TTC27: variants seen among roughly 807,000 people sequenced by gnomAD.
The protein encoded by TTC27 is tetratricopeptide repeat protein 27.
Under a neutral mutation model 115.9 loss-of-function variants are expected in TTC27, and 79 were observed. The observed-to-expected ratio is 0.68, with a 90% CI of 0.57 to 0.82. The LOEUF is 0.82. Among genes scored for constraint, TTC27 ranks in the 40% least tolerant of loss-of-function variants. The pLI is 0.00. For synonymous variants in TTC27, 401 were observed against 356.0 expected (o/e 1.13, Z -1.42); for missense variants, 1,054 against 993.1 (o/e 1.06, Z -0.82).
intron 13 of TTC27, among the ~76,000 whole-genome samples, chr2:32,772,067 A>G (rs914861561): frequency 4.6e-5 from 7 of 152,220 alleles, no homozygotes; most frequent in African/African-American, 1.2e-4. Flanking sequence ...AGTGGTACCC[A>G]TTGCAGATGT....
At chr2:32,736,849 G>T (rs1365287841) in intron 12 of TTC27, 33 bp downstream of exon 12, 2 of 1,608,144 alleles carry the variant, frequency 1.2e-6, no homozygotes, top group Non-Finnish European at 1.7e-6. Context: ...GTACTGGTGA[G>T]AGCCTTCCCT....
At position 32,760,588 on chromosome 2, in the gene TTC27, G is replaced by A. The variant is rs531497319; in HGVS notation, c.1680+2069G>A. ...TTATCACTCTATTTTTTTTGGCGGC[G>A]GGGAGGGGTTGGTTTTTGGTTTTTG... On this transcript the variant is annotated intron_variant, in intron 13 of 19. Coordinates refer to ENST00000317907, the MANE Select transcript of TTC27 (RefSeq NM_017735.5). 3.3e-5 allele frequency among the ~76,000 whole-genome samples: 5 copies of A among 152,004 alleles called. No individual in the cohort carries two copies. The East Asian group carries it at 5.8e-4, about 18-fold the overall frequency.
intron 4 of TTC27, among the ~76,000 whole-genome samples, chr2:32,642,693 GC>G (rs1405340680): frequency 6.6e-6 from 1 of 151,450 alleles, no homozygotes; most frequent in Non-Finnish European, 1.5e-5. Flanking sequence ...TTTAAGACAG[GC>G]TCTGGCCCCG....
At chr2:32,639,478 T>C (rs891911578) in intron 3 of TTC27, among the ~76,000 whole-genome samples, 2 of 152,180 alleles carry the variant, frequency 1.3e-5, no homozygotes, top group African/African-American at 2.4e-5. Flanking sequence ...CCTTGTTGAT[T>C]GTTTGGCTTG....
chr2:32,681,737 C>T (rs72787551), intron 9 of TTC27, among the ~76,000 whole-genome samples: 6,699 of 149,744 alleles, frequency 0.045, 207 homozygotes, highest in Non-Finnish European at 0.068. Flanking sequence ...CTAAGTTAAG[C>T]TATGATGTTT....
At chr2:32,817,371 A>G (rs1022745303) in intron 18 of TTC27, 86 bp from the exon 19 acceptor site, 2 of 1,098,856 alleles carry the variant, frequency 1.8e-6, no homozygotes, top group Non-Finnish European at 1.3e-6. Flanking sequence ...TTACTATAAA[A>G]ATTCTAATTA....
chr2:32,698,965 A>G (rs1667092837), intron 9 of TTC27, among the ~76,000 whole-genome samples: 1 of 152,136 alleles, frequency 6.6e-6, no homozygotes, highest in African/African-American at 2.4e-5. Context: ...CTATCTAGAG[A>G]ATGCCCCAAA....
At chr2:32,754,147 CTTTTT>C (rs200270813) in intron 12 of TTC27, among the ~76,000 whole-genome samples, 1 of 143,152 alleles carries the variant, frequency 7.0e-6, no homozygotes, top group African/African-American at 2.6e-5. Flanking sequence ...ATTCTACATT[CTTTTT>C]TTTTTTTTTT....
In TTC27 at chr2:32,723,971, C is replaced by CTTTTTTTTTTTTTTTTTTTTTTTTTT. The variant is rs36120062; in HGVS notation, c.1234-9840_1234-9839insTTTTTTTTTTTTTTTTTTTTTTTTTT. ...TGAGCCACCAGCTGGCATACATAAG[C>CTTTTTTTTTTTTTTTTTTTTTTTTTT]TTTTTTTTTTTTTTTTTATAGAAAG... On this transcript the variant is annotated intron_variant, in intron 10 of 19. Transcript: ENST00000317907. Among the ~76,000 whole-genome samples the CTTTTTTTTTTTTTTTTTTTTTTTTTT allele has an allele frequency of 7.1e-4, 66 of 92,388 alleles. 8 individuals are homozygous for CTTTTTTTTTTTTTTTTTTTTTTTTTT. The highest frequency in any genetic ancestry group is 7.0e-3 in the Middle Eastern group (1 of 142). The allele number at this position is 92,388 out of a possible 152,430, so 60.6% of individuals were successfully genotyped here.
intron 10 of TTC27, among the ~76,000 whole-genome samples, chr2:32,718,634 C>T (rs1667826126): frequency 6.6e-6 from 1 of 152,124 alleles, no homozygotes; most frequent in Admixed American, 6.5e-5. Context: ...CTGATGATTG[C>T]CAAAGCTGAT....
At chr2:32,677,331 T>C (rs778407616) in intron 8 of TTC27, among the ~76,000 whole-genome samples, 1 of 152,162 alleles carries the variant, frequency 6.6e-6, no homozygotes, top group Non-Finnish European at 1.5e-5. Context: ...AATATTGCTA[T>C]GGATATTTAT....
chr2:32,679,987 C>T (rs1666362158), intron 9 of TTC27, among the ~76,000 whole-genome samples: 1 of 152,114 alleles, frequency 6.6e-6, no homozygotes, highest in South Asian at 2.1e-4. Context: ...CCGCCTCAAA[C>T]ACAAAACAAA....
chr2:32,682,678 T>TC (rs1212307407), intron 9 of TTC27, among the ~76,000 whole-genome samples: 462 of 150,364 alleles, frequency 3.1e-3, no homozygotes, highest in Non-Finnish European at 3.5e-3. Context: ...CTTTTTTTTT[T>TC]TTTTTTTGAA....
chr2:32,735,771 T>A (rs549582102), intron 11 of TTC27, among the ~76,000 whole-genome samples: 1 of 152,206 alleles, frequency 6.6e-6, no homozygotes, highest in South Asian at 2.1e-4. Context: ...AGCTCTCACA[T>A]GCCATGGGCA....
At chr2:32,681,099 C>A (rs987606255) in intron 9 of TTC27, among the ~76,000 whole-genome samples, 14 of 152,224 alleles carry the variant, frequency 9.2e-5, no homozygotes, top group Admixed American at 9.2e-4. Flanking sequence ...ACAATCAGAA[C>A]CATCCTGAAG....
Position 32,817,469 on chromosome 2 carries a change from G to A in TTC27, c.2321G>A (p.Cys774Tyr), listed in dbSNP as rs1671541567. The stretch of plus-strand genomic sequence containing the variant: ...ACTTATCTTCCAGTGGCCATAAAAT[G>A]CAGTAAAAACAAATCCAGTTCCCAA... ...ALGLAHVAIK[C>Y]SKNKSSSQEA... Residue 774 changes from cysteine to tyrosine, a missense_variant, in exon 19 of 20, where the codon TGC becomes TAC. Coordinates refer to ENST00000317907, the MANE Select transcript of TTC27 (RefSeq NM_017735.5). The A allele has an allele frequency of 1.9e-6, 3 of 1,613,766 alleles. No individual in the cohort carries two copies. The East Asian group carries it at 6.7e-5, about 36-fold the overall frequency.
At chr2:32,703,811 C>G (rs1667272243) in intron 10 of TTC27, among the ~76,000 whole-genome samples, 1 of 152,192 alleles carries the variant, frequency 6.6e-6, no homozygotes, top group African/African-American at 2.4e-5. Flanking sequence ...ACGTCAATGT[C>G]TTAGTCTGTT....
In TTC27 at chr2:32,644,940, T is replaced by G. The variant is rs188999354; in HGVS notation, c.537+4530T>G. ...CCAGGATGGCCTTCAACTTGTGGGC[T>G]CAAGTGATCCTCCTGCTCCAGCCTC... On this transcript the variant is annotated intron_variant, in intron 4 of 19. Transcript: ENST00000317907. Among the ~76,000 whole-genome samples the G allele has an allele frequency of 6.7e-3, 967 of 144,300 alleles. 4 individuals carry two copies. Among genetic ancestry groups the G allele is most frequent in the Non-Finnish European group, 0.01 (692 of 66,250 alleles). 94.7% of individuals were successfully genotyped at this position (144,300 alleles called of 152,430 possible). A position where few individuals can be genotyped will look rare whatever the true frequency, so the allele number is the denominator to read the frequency against.
At chr2:32,689,253 A>T (rs1485984546) in intron 9 of TTC27, among the ~76,000 whole-genome samples, 1 of 152,148 alleles carries the variant, frequency 6.6e-6, no homozygotes, top group Non-Finnish European at 1.5e-5. Context: ...TAGTGGTTAT[A>T]TAGGTGTATG....
Sources: gnomAD v4.1 joint callset for allele counts (sites outside exome capture counted in the v4.1 genomes callset) on GRCh38, gnomAD v4.1.1 for gene constraint, MANE v1.5 for transcripts, NCBI Gene and HGNC (gene_info 2026-07-23, HGNC 2026-07-21) for gene names.